The following RABGEF1 variants were observed in gnomAD, a reference collection of about 807,000 sequenced individuals.
RABGEF1 encodes rab5 GDP/GTP exchange factor.
Under a neutral mutation model 57.3 loss-of-function variants are expected in RABGEF1, and 26 were observed. The observed-to-expected ratio is 0.45, with a 90% CI of 0.33 to 0.63. RABGEF1 has a LOEUF of 0.63. RABGEF1 is among the 20% of genes least tolerant of loss of function. The pLI is 0.02. For missense variants in RABGEF1, 464 were observed against 607.6 expected (o/e 0.76, Z 2.48); for synonymous variants, 185 against 210.7 (o/e 0.88, Z 1.06).
chr7:66,661,472 G>A, the RABGEF1 span, among the ~76,000 whole-genome samples: 6 of 150,656 alleles, frequency 4.0e-5, no homozygotes, highest in East Asian at 2.0e-4. Flanking sequence ...AAAAAATATC[G>A]GCAAACCAGC....
At chr7:66,756,965 G>A (rs561085708) in intron 1 of RABGEF1, among the ~76,000 whole-genome samples, 1 of 152,118 alleles carries the variant, frequency 6.6e-6, no homozygotes, top group Admixed American at 6.5e-5. Flanking sequence ...TGTGTTCACA[G>A]TCTTCTAACT....
chr7:66,731,520 C>T (rs540244037), intron 2 of RABGEF1, among the ~76,000 whole-genome samples: 5 of 151,626 alleles, frequency 3.3e-5, no homozygotes, highest in African/African-American at 2.4e-5. Flanking sequence ...GAGTTGAGAC[C>T]AGCCTGGGCA....
chr7:66,699,481 G>A (rs1192039061), intron 1 of RABGEF1, among the ~76,000 whole-genome samples: 35 of 152,030 alleles, frequency 2.3e-4, no homozygotes, highest in Non-Finnish European at 4.0e-4. Context: ...ACCTGAGGTC[G>A]GGAGTTCGAG....
At chr7:66,726,519 A>G (rs1184600448) in intron 2 of RABGEF1, among the ~76,000 whole-genome samples, 1 of 151,464 alleles carries the variant, frequency 6.6e-6, no homozygotes, top group African/African-American at 2.4e-5. Flanking sequence ...ATGCACCACC[A>G]CTCCTGGCTA....
intron 7 of RABGEF1, among the ~76,000 whole-genome samples, chr7:66,802,948 A>G (rs1787626903): frequency 1.3e-5 from 2 of 152,240 alleles, no homozygotes; most frequent in Non-Finnish European, 2.9e-5. Flanking sequence ...AATAAAAGAG[A>G]GAAAAAAAAA....
intron 1 of RABGEF1, chr7:66,748,933 G>C (rs895122398): frequency 4.2e-6 from 1 of 235,764 alleles, no homozygotes; most frequent in Non-Finnish European, 9.1e-6. Flanking sequence ...TCCAAAAACT[G>C]TTTTATGTCA....
At chr7:66,775,203 T>C (rs1186066691) in intron 2 of RABGEF1, 24 bp from the exon 3 acceptor site, 7 of 1,600,866 alleles carry the variant, frequency 4.4e-6, no homozygotes, top group Non-Finnish European at 5.1e-6. Flanking sequence ...ATCTAGGTCA[T>C]TCTAATCCTC....
At chr7:66,692,134 G>A (rs551045187) in intron 1 of RABGEF1, among the ~76,000 whole-genome samples, 1 of 152,296 alleles carries the variant, frequency 6.6e-6, no homozygotes, top group East Asian at 1.9e-4. Flanking sequence ...AGTTGCACTA[G>A]TTACATTTCT....
chr7:66,691,648 C>T (rs1791535976), intron 1 of RABGEF1, among the ~76,000 whole-genome samples: 1 of 152,180 alleles, frequency 6.6e-6, no homozygotes, highest in African/African-American at 2.4e-5. Flanking sequence ...ATTTCAGTAG[C>T]GTATCCAATA....
At chr7:66,681,972 T>C (rs764076933), upstream of RABGEF1, among the ~76,000 whole-genome samples, 1 of 152,224 alleles carries the variant, frequency 6.6e-6, no homozygotes, top group African/African-American at 2.4e-5. Context: ...TACCCTCTTC[T>C]ATTTGCTCTT....
intron 1 of RABGEF1, among the ~76,000 whole-genome samples, chr7:66,768,251 G>GACGTTTGTTGTTGTAA (rs1181336764): frequency 6.6e-6 from 1 of 152,144 alleles, no homozygotes; most frequent in Non-Finnish European, 1.5e-5. Context: ...TCTCTTGTAA[G>GACGTTTGTTGTTGTAA]GATGTTCAAT....
At chr7:66,704,523 A>G (rs886780909) in intron 1 of RABGEF1, among the ~76,000 whole-genome samples, 8 of 151,742 alleles carry the variant, frequency 5.3e-5, no homozygotes, top group Admixed American at 1.3e-4. Flanking sequence ...AAATGTTTAA[A>G]TAGTCGGCCA....
chr7:66,792,015 G>A (rs1812791686), intron 4 of RABGEF1, among the ~76,000 whole-genome samples: 1 of 151,958 alleles, frequency 6.6e-6, no homozygotes, highest in Non-Finnish European at 1.5e-5. Flanking sequence ...GGGAGGCTGA[G>A]GCAGGAGAAT....
the RABGEF1 span, among the ~76,000 whole-genome samples, chr7:66,657,113 A>G: frequency 6.6e-6 from 1 of 152,242 alleles, no homozygotes; most frequent in Non-Finnish European, 1.5e-5. Flanking sequence ...AATAGGAAAG[A>G]GAGCACTTGA....
At chr7:66,694,421 G>C (rs1219752336) in intron 1 of RABGEF1, among the ~76,000 whole-genome samples, 1 of 152,244 alleles carries the variant, frequency 6.6e-6, no homozygotes. Flanking sequence ...TGAACCCGGG[G>C]AGTTGGACGG....
chr7:66,658,533 C>CAAAAA, the RABGEF1 span, among the ~76,000 whole-genome samples: 6 of 75,556 alleles, frequency 7.9e-5, no homozygotes, highest in Non-Finnish European at 1.1e-4. Flanking sequence ...ACTTCGTCTC[C>CAAAAA]AAAAAAAAAA....
chr7:66,756,824 C>T (rs1268590269), intron 1 of RABGEF1, among the ~76,000 whole-genome samples: 1 of 152,056 alleles, frequency 6.6e-6, no homozygotes, highest in African/African-American at 2.4e-5. Flanking sequence ...AGATTGCTGA[C>T]CAGTTATTGC....
At chr7:66,766,605 C>G (rs1805779602) in intron 1 of RABGEF1, among the ~76,000 whole-genome samples, 1 of 152,100 alleles carries the variant, frequency 6.6e-6, no homozygotes, top group African/African-American at 2.4e-5. Flanking sequence ...AGAGTTTTTT[C>G]TAATTAGATT....
At chr7:66,737,061 AGAGAGAGAGAGT>A (rs1213682880), upstream of RABGEF1, among the ~76,000 whole-genome samples, 14 of 133,588 alleles carry the variant, frequency 1.0e-4, no homozygotes, top group Admixed American at 8.0e-4. Flanking sequence ...GGAGAGAGAG[AGAGAGAGAGAGT>A]GAGAGAGAGA....
Sources: allele counts gnomAD v4.1 joint callset (sites outside exome capture counted in the v4.1 genomes callset), GRCh38; gene constraint gnomAD v4.1.1; transcripts MANE v1.5; gene names NCBI Gene and HGNC (gene_info 2026-07-23, HGNC 2026-07-21).